Variants in MACROD2 observed in about 807,000 individuals in gnomAD.
MACROD2 encodes the protein ADP-ribose glycohydrolase MACROD2.
MACROD2 carries 36 observed loss-of-function variants against 70.4 expected under a neutral mutation model. That is an observed-to-expected ratio of 0.51 (90% confidence interval 0.39 to 0.68). MACROD2 has a LOEUF of 0.68. Ranked by LOEUF, MACROD2 falls within the 30% of genes least tolerant of loss-of-function variation. The pLI, the probability that MACROD2 is intolerant of heterozygous loss-of-function variation, is 0.00. For missense variants in MACROD2, 496 were observed against 538.4 expected (o/e 0.92, Z 0.78); for synonymous variants, 172 against 178.8 (o/e 0.96, Z 0.30).
Position 14,051,874 on chromosome 20 carries a change from A to T in MACROD2, c.164-33747A>T, listed in dbSNP as rs574567418. The T allele has an allele frequency of 2.9e-5, 15 of 513,642 alleles. No homozygotes were observed. In the East Asian group the frequency reaches 6.6e-4, roughly 22 times the overall value. The allele number at this position is 513,642 out of a possible 1,614,324, so 31.8% of individuals were successfully genotyped here. A position where few individuals can be genotyped will look rare whatever the true frequency, so the allele number is the denominator to read the frequency against. On this transcript the variant is annotated intron_variant, in intron 2 of 17. Transcript: ENST00000684519. ...GGAGATGGATATGATCCTTGGTTTC[A>T]ATATGCCACATCTACTATAAACTTC...
intron 5 of MACROD2, among the ~76,000 whole-genome samples, chr20:15,098,781 G>A (rs1261751429): frequency 6.6e-6 from 1 of 152,232 alleles, no homozygotes; most frequent in Non-Finnish European, 1.5e-5. Context: ...GAGATCTAAG[G>A]TCTAACTGCA....
intron 4 of MACROD2, among the ~76,000 whole-genome samples, chr20:14,611,296 C>T (rs1600453414): frequency 1.3e-5 from 2 of 152,022 alleles, no homozygotes; most frequent in East Asian, 3.9e-4. Flanking sequence ...AGATGTGAAA[C>T]ATTAGAAGAA....
chr20:14,443,081 G>GA (rs990678904), intron 3 of MACROD2, among the ~76,000 whole-genome samples: 248 of 129,008 alleles, frequency 1.9e-3, no homozygotes, highest in South Asian at 2.7e-3. Flanking sequence ...TCTGTCTCAA[G>GA]AAAAAAAAAA....
chr20:15,143,259 C>G (rs1399929314), intron 5 of MACROD2, among the ~76,000 whole-genome samples: 1 of 152,160 alleles, frequency 6.6e-6, no homozygotes, highest in East Asian at 1.9e-4. Flanking sequence ...TCTCTGATGG[C>G]CAGTGATGAT....
At chr20:14,589,831 A>T (rs2123372265) in intron 4 of MACROD2, among the ~76,000 whole-genome samples, 1 of 152,298 alleles carries the variant, frequency 6.6e-6, no homozygotes. Flanking sequence ...GCAGTTCACT[A>T]AATGCTACAT....
intron 13 of MACROD2, among the ~76,000 whole-genome samples, chr20:15,972,489 G>A (rs1178452597): frequency 6.6e-6 from 1 of 152,028 alleles, no homozygotes; most frequent in African/African-American, 2.4e-5. Context: ...AGAGGAAAAT[G>A]ACAAGTTACA....
At chr20:14,809,563 A>G (rs954625264) in intron 5 of MACROD2, among the ~76,000 whole-genome samples, 1 of 152,044 alleles carries the variant, frequency 6.6e-6, no homozygotes, top group Non-Finnish European at 1.5e-5. Flanking sequence ...AAGCTAGCAG[A>G]AGACAAGAAA....
rs145329892 is a variant in MACROD2, at chr20:14,377,504, A to C, written c.272-115975A>C. Among the ~76,000 whole-genome samples the C allele has an allele frequency of 5.9e-4, 90 of 152,178 alleles. No homozygotes were observed. In the East Asian group the frequency reaches 0.015, roughly 26 times the overall value. ...TAATGCAGACTTGAGGATTTTCCTT[A>C]GCTTTTTGCAACCCTGTGCATCCCT... On this transcript the variant is annotated intron_variant, in intron 3 of 17. Coordinates refer to ENST00000684519, the MANE Select transcript of MACROD2 (RefSeq NM_001351661.2).
intron 4 of MACROD2, among the ~76,000 whole-genome samples, chr20:14,678,966 A>G (rs1194570868): frequency 5.3e-5 from 8 of 152,076 alleles, no homozygotes; most frequent in Non-Finnish European, 2.9e-5. Flanking sequence ...AAAAAAAACA[A>G]CACATTACTT....
chr20:15,466,153 T>C (rs1218549472), intron 7 of MACROD2, among the ~76,000 whole-genome samples: 1 of 152,238 alleles, frequency 6.6e-6, no homozygotes, highest in Non-Finnish European at 1.5e-5. Flanking sequence ...GAAAAAGTCG[T>C]GGCTGGGCAT....
At chr20:15,972,548 G>A (rs544459730) in intron 13 of MACROD2, among the ~76,000 whole-genome samples, 35 of 152,170 alleles carry the variant, frequency 2.3e-4, no homozygotes, top group Non-Finnish European at 3.2e-4. Flanking sequence ...AGTGGCTTAC[G>A]CCAGTAATCC....
rs558071966 is a variant in MACROD2, at chr20:15,110,145, G to C, written c.419-119795G>C. 3.3e-5 allele frequency among the ~76,000 whole-genome samples: 5 copies of C among 152,248 alleles called. No homozygotes were observed. The South Asian group carries it at 1.0e-3, about 32-fold the overall frequency. ...TGCTATCATTTAATTTACTTTCAGG[G>C]AGTAATGTGTGTGCCCTGGGTTTGT... On this transcript the variant is annotated intron_variant, in intron 5 of 17. Transcript: ENST00000684519.
chr20:15,504,748 A>G (rs151216193), intron 8 of MACROD2, among the ~76,000 whole-genome samples: 20 of 152,342 alleles, frequency 1.3e-4, no homozygotes, highest in Non-Finnish European at 8.8e-5. Context: ...GACAGCAGGT[A>G]GCATGATAAC....
At position 14,657,262 on chromosome 20, in the gene MACROD2, G is replaced by A. The variant is rs541583786; in HGVS notation, c.302-27581G>A. On this transcript the variant is annotated intron_variant, in intron 4 of 17. Coordinates refer to ENST00000684519, the MANE Select transcript of MACROD2 (RefSeq NM_001351661.2). Reference sequence around the variant, plus strand: ...TTCCAGTTAGCATCCGCTTCTAAGCGTGCTATTACTTATTCATTAGTAGAA... The same window carrying A: ...TTCCAGTTAGCATCCGCTTCTAAGCATGCTATTACTTATTCATTAGTAGAA... Among the ~76,000 whole-genome samples the A allele has an allele frequency of 4.4e-4, 67 of 152,280 alleles. No homozygotes were observed. In the East Asian group the frequency reaches 9.3e-3, roughly 21 times the overall value.
chr20:14,264,005 ACACACACACACACACAC>A (rs1201828391), intron 3 of MACROD2, among the ~76,000 whole-genome samples: 1 of 143,252 alleles, frequency 7.0e-6, no homozygotes, highest in Non-Finnish European at 1.5e-5. Context: ...ACACACACAC[ACACACACACACACACAC>A]ACACAACACA....
rs575291876 is a variant in MACROD2, at chr20:15,472,712, T to G, written c.572-27062T>G. 2.0e-5 allele frequency among the ~76,000 whole-genome samples: 3 copies of G among 152,300 alleles called. No individual in the cohort carries two copies. The East Asian group carries it at 5.8e-4, about 29-fold the overall frequency. On this transcript the variant is annotated intron_variant, in intron 7 of 17. Transcript: ENST00000684519. ...TCCAAGTTTATTCTATTTCCTATCATTTCAGTACTTGTTTTATTAACTAGT... is the reference window on the plus strand; with the variant it reads ...TCCAAGTTTATTCTATTTCCTATCAGTTCAGTACTTGTTTTATTAACTAGT...
chr20:14,380,967 T>G (rs2083415004), intron 3 of MACROD2, among the ~76,000 whole-genome samples: 1 of 152,190 alleles, frequency 6.6e-6, no homozygotes, highest in Non-Finnish European at 1.5e-5. Flanking sequence ...ATTTTCTCTT[T>G]TATTTTGTAT....
At chr20:14,868,048 T>C (rs1302978482) in intron 5 of MACROD2, among the ~76,000 whole-genome samples, 2 of 152,092 alleles carry the variant, frequency 1.3e-5, no homozygotes, top group Non-Finnish European at 2.9e-5. Flanking sequence ...TATTTTAATA[T>C]AAAAGCATTA....
intron 5 of MACROD2, among the ~76,000 whole-genome samples, chr20:14,745,727 A>G (rs997085289): frequency 6.6e-6 from 1 of 152,048 alleles, no homozygotes; most frequent in Non-Finnish European, 1.5e-5. Context: ...AGGCGATTTT[A>G]CCCCCACCCA....
Sources: allele counts gnomAD v4.1 joint callset (sites outside exome capture counted in the v4.1 genomes callset), GRCh38; gene constraint gnomAD v4.1.1; transcripts MANE v1.5; gene names NCBI Gene and HGNC (gene_info 2026-07-23, HGNC 2026-07-21).